Variants in PRKN observed in about 807,000 individuals in gnomAD.
The protein encoded by PRKN is parkin RBR E3 ubiquitin protein ligase.
Under a neutral mutation model 59.5 loss-of-function variants are expected in PRKN, and 56 were observed. The ratio of observed to expected loss-of-function variants is 0.94; its 90% CI spans 0.76 to 1.18. The LOEUF (loss-of-function observed/expected upper bound fraction) is 1.18, where lower values mean the gene tolerates loss of function less well. Ranked by LOEUF, PRKN falls within the 50% of genes most tolerant of loss-of-function variation. The pLI is 0.00. For missense variants in PRKN, 657 were observed against 596.4 expected, an observed-to-expected ratio of 1.10 and a Z score of -1.06; for synonymous variants, 250 against 222.1, an observed-to-expected ratio of 1.13 and a Z score of -1.12.
At chr6:162,322,163 C>G (rs1011350666) in intron 2 of PRKN, among the ~76,000 whole-genome samples, 2 of 151,422 alleles carry the variant, frequency 1.3e-5, no homozygotes, top group East Asian at 3.9e-4. Context: ...AGTCAATATA[C>G]AAAATATCTA....
At position 161,579,014 on chromosome 6, in the gene PRKN, C is replaced by T. The variant is rs1258042746; in HGVS notation, c.872-9598G>A. Reference sequence around the variant, plus strand: ...CCCTCAGATCACAAATTTAATTTGGCTGGTCAACACATGAGTGGCCACTGG... The same window carrying T: ...CCCTCAGATCACAAATTTAATTTGGTTGGTCAACACATGAGTGGCCACTGG... On this transcript the variant is annotated intron_variant, in intron 7 of 11. Transcript: ENST00000366898. The surrounding 1 kb of genome is among the most constrained non-coding windows in gnomAD (Gnocchi z 4.2). Among the ~76,000 whole-genome samples the T allele has an allele frequency of 6.6e-6, 1 of 152,164 alleles. No individual in the cohort carries two copies. Among genetic ancestry groups the T allele is most frequent in the Non-Finnish European group, 1.5e-5 (1 of 68,032 alleles).
chr6:161,926,040 G>A lies in PRKN; in HGVS notation c.734+47262C>T, dbSNP rs375861371. 1.4e-4 allele frequency among the ~76,000 whole-genome samples: 21 copies of A among 152,262 alleles called. No homozygotes were observed. In the East Asian group the frequency reaches 2.1e-3, roughly 15 times the overall value. On this transcript the variant is annotated intron_variant, in intron 6 of 11. Transcript: ENST00000366898. ...TCTCTAAACCACTCAGCTAGTAAAC[G>A]GTGCAGTAGAAGCTGAAGTAAGTTC...
chr6:161,679,423 G>A lies in PRKN; in HGVS notation c.871+106349C>T, dbSNP rs936247443. On this transcript the variant is annotated intron_variant, in intron 7 of 11. Coordinates refer to ENST00000366898, the MANE Select transcript of PRKN (RefSeq NM_004562.3). ...GGGACAGCGCGCCTCTGACCCCTGA[G>A]CCACACTCGGGAGGAACCCCACACT... Among the ~76,000 whole-genome samples the A allele has an allele frequency of 4.6e-5, 7 of 152,180 alleles. No individual in the cohort carries two copies. The South Asian group carries it at 6.2e-4, about 14-fold the overall frequency.
chr6:162,469,489 G>GGTGT (rs1302047953), intron 1 of PRKN, among the ~76,000 whole-genome samples: 43 of 125,256 alleles, frequency 3.4e-4, no homozygotes, highest in African/African-American at 1.0e-3. Flanking sequence ...AAGAAACTGT[G>GGTGT]GTATGTGTGT....
At chr6:162,385,882 A>C (rs13201506) in intron 2 of PRKN, among the ~76,000 whole-genome samples, 29,504 of 151,990 alleles carry the variant, frequency 0.19, 3,236 homozygotes, top group Non-Finnish European at 0.23. Context: ...AAAAAGTTTC[A>C]GATTCCAAAG....
chr6:161,537,722 A>G (rs113093576), intron 9 of PRKN, among the ~76,000 whole-genome samples: 3,279 of 152,332 alleles, frequency 0.022, 47 homozygotes, highest in Middle Eastern at 0.041. Context: ...AAGTGCTGGG[A>G]TTACAGGCGT....
chr6:161,714,802 C>T (rs1226467144), intron 7 of PRKN, among the ~76,000 whole-genome samples: 1 of 152,098 alleles, frequency 6.6e-6, no homozygotes, highest in Non-Finnish European at 1.5e-5. Flanking sequence ...TTCTTATTCC[C>T]AGGACAGAAC....
At chr6:161,760,111 G>A (rs1012248386) in intron 7 of PRKN, among the ~76,000 whole-genome samples, 2 of 148,628 alleles carry the variant, frequency 1.3e-5, no homozygotes, top group Non-Finnish European at 3.0e-5. Flanking sequence ...AATGTCAATT[G>A]CTAACTTTAT....
At chr6:162,403,690 T>C (rs752242829) in intron 2 of PRKN, among the ~76,000 whole-genome samples, 25 of 152,082 alleles carry the variant, frequency 1.6e-4, no homozygotes, top group Admixed American at 7.2e-4. Context: ...GGGAAAAAAG[T>C]GTTCCATCTG....
intron 2 of PRKN, among the ~76,000 whole-genome samples, chr6:162,293,899 C>T (rs1451359772): frequency 6.6e-6 from 1 of 152,082 alleles, no homozygotes; most frequent in Non-Finnish European, 1.5e-5. Flanking sequence ...AGGATGGTCT[C>T]GATCTCCTGA....
rs115265471 is a variant in PRKN, at chr6:161,669,989, C to T, written c.872-100573G>A. Among the ~76,000 whole-genome samples the T allele has an allele frequency of 6.9e-3, 1,056 of 152,288 alleles. 10 individuals are homozygous for T. The highest frequency in any genetic ancestry group is 0.024 in the African/African-American group (1,014 of 41,582). On this transcript the variant is annotated intron_variant, in intron 7 of 11. Transcript: ENST00000366898. ...GGAAGCTTTTGGTTTTCAAGAGTCT[C>T]TGGATCTCAGTCTGGCATCCAGTGA...
At position 161,465,015 on chromosome 6, in the gene PRKN, G is replaced by A. The variant is rs561966627; in HGVS notation, c.1084-78138C>T. ...GTCCTTGTGGTCAACAAAAGCGATA[G>A]GCTGCGATCCTCTCCAGGTGAGCTG... On this transcript the variant is annotated intron_variant, in intron 9 of 11. Coordinates refer to ENST00000366898, the MANE Select transcript of PRKN (RefSeq NM_004562.3). Among the ~76,000 whole-genome samples the A allele has an allele frequency of 5.9e-5, 9 of 152,332 alleles. No homozygotes were observed. The South Asian group carries it at 1.4e-3, about 25-fold the overall frequency.
At chr6:161,833,238 T>C (rs1792585608) in intron 6 of PRKN, among the ~76,000 whole-genome samples, 2 of 151,084 alleles carry the variant, frequency 1.3e-5, no homozygotes, top group Non-Finnish European at 2.9e-5. Flanking sequence ...CCGTGATCCC[T>C]GGAATGGGGC....
In PRKN at chr6:161,356,611, CG is replaced by C. The variant is rs534593072; in HGVS notation, c.1285+3476del. ...GGTGGGCAGACGCTGGATCAGAGCA[CG>C]GGGAAGGCCGTGGTGACCGGGGATT... is the stretch of plus-strand genomic sequence containing the variant. On this transcript the variant is annotated intron_variant, in intron 11 of 11. Transcript: ENST00000366898. The surrounding 1 kb of genome is among the most constrained non-coding windows in gnomAD (Gnocchi z 7.8). Among the ~76,000 whole-genome samples the C allele has an allele frequency of 8.7e-3, 1,327 of 152,130 alleles. 20 individuals carry two copies. The highest frequency in any genetic ancestry group is 0.03 in the African/African-American group (1,249 of 41,506).
chr6:161,675,080 T>A (rs1256095578), intron 7 of PRKN, among the ~76,000 whole-genome samples: 1 of 152,222 alleles, frequency 6.6e-6, no homozygotes, highest in African/African-American at 2.4e-5. Context: ...CCAGGCATTC[T>A]TTTCCCCTGG....
In PRKN at chr6:162,312,007, T is replaced by C. The variant is rs1007426727; in HGVS notation, c.172-49242A>G. Among the ~76,000 whole-genome samples the C allele has an allele frequency of 2.6e-5, 4 of 152,052 alleles. No individual in the cohort carries two copies. The South Asian group carries it at 6.2e-4, about 24-fold the overall frequency. On this transcript the variant is annotated intron_variant, in intron 2 of 11. Coordinates refer to ENST00000366898, the MANE Select transcript of PRKN (RefSeq NM_004562.3). ...GTGCATGCATACACGTACACACTTA[T>C]ACACCATGCATATATGTGTGTGTTT...
chr6:162,628,529 A>G (rs2128222153), intron 1 of PRKN, among the ~76,000 whole-genome samples: 1 of 152,296 alleles, frequency 6.6e-6, no homozygotes, highest in East Asian at 1.9e-4. Context: ...TTAAAATTGG[A>G]ATATCTCAGA....
chr6:162,503,889 A>G (rs565563570), intron 1 of PRKN, among the ~76,000 whole-genome samples: 1 of 152,330 alleles, frequency 6.6e-6, no homozygotes, highest in South Asian at 2.1e-4. Context: ...TCTAAGTCAG[A>G]TTACAAAGTG....
chr6:161,499,741 T>G lies in PRKN; in HGVS notation c.1083+49113A>C, dbSNP rs1777888588. ...CACAATTAATCTTGAGAATTACTGC[T>G]CTGTGGCTGAGGTCATCATATATTC... On this transcript the variant is annotated intron_variant, in intron 9 of 11. Transcript: ENST00000366898. This position sits in a 1 kb window ranked among gnomAD's most constrained non-coding sequence, Gnocchi z 4.2. Among the ~76,000 whole-genome samples the G allele has an allele frequency of 6.6e-6, 1 of 152,206 alleles. No individual in the cohort carries two copies.
Sources: allele counts gnomAD v4.1 joint callset (sites outside exome capture counted in the v4.1 genomes callset), GRCh38; gene constraint gnomAD v4.1.1; non-coding constraint Gnocchi (gnomAD v3.1); transcripts MANE v1.5; gene names NCBI Gene and HGNC (gene_info 2026-07-23, HGNC 2026-07-21).